Variants in EFNA5 observed in about 807,000 individuals in gnomAD.
The protein encoded by EFNA5 is ephrin-A5.
In EFNA5, 5 loss-of-function variants were observed where a neutral mutation model predicts 22.9. The ratio of observed to expected loss-of-function variants is 0.22; its 90% CI spans 0.11 to 0.46. The LOEUF (loss-of-function observed/expected upper bound fraction) is 0.46. EFNA5 is among the 20% of genes least tolerant of loss of function. EFNA5 has a pLI of 0.99. For synonymous variants in EFNA5, 113 were observed against 112.2 expected, an observed-to-expected ratio of 1.01 and a Z score of -0.04; for missense variants, 237 against 293.3, an observed-to-expected ratio of 0.81 and a Z score of 1.40.
chr5:107,452,068 T>G (rs1419873151), intron 1 of EFNA5, among the ~76,000 whole-genome samples: 1 of 152,214 alleles, frequency 6.6e-6, no homozygotes. Flanking sequence ...GATCGTGTCC[T>G]TGATAAAGCT....
intron 1 of EFNA5, among the ~76,000 whole-genome samples, chr5:107,583,607 G>A (rs1164221337): frequency 1.3e-5 from 2 of 152,108 alleles, no homozygotes; most frequent in Non-Finnish European, 2.9e-5. Flanking sequence ...GAGCATCTGC[G>A]TGGGTTACAC....
At chr5:107,645,982 G>C (rs1750626672) in intron 1 of EFNA5, among the ~76,000 whole-genome samples, 1 of 152,128 alleles carries the variant, frequency 6.6e-6, no homozygotes, top group African/African-American at 2.4e-5. Context: ...CAATGGATAA[G>C]GATCTATTTA....
chr5:107,578,930 A>G (rs1352595063), intron 1 of EFNA5, among the ~76,000 whole-genome samples: 1 of 152,172 alleles, frequency 6.6e-6, no homozygotes, highest in African/African-American at 2.4e-5. Flanking sequence ...TCCAGCCTTG[A>G]TCACATTTGT....
chr5:107,561,986 C>G (rs769862192), intron 1 of EFNA5, among the ~76,000 whole-genome samples: 1 of 152,200 alleles, frequency 6.6e-6, no homozygotes, highest in African/African-American at 2.4e-5. Flanking sequence ...GCCTCCTCCC[C>G]ACTGGGGGAT....
chr5:107,654,656 A>C (rs1750789298), intron 1 of EFNA5, among the ~76,000 whole-genome samples: 1 of 152,182 alleles, frequency 6.6e-6, no homozygotes, highest in South Asian at 2.1e-4. Context: ...CAACTGTCCA[A>C]AGTTAAAATT....
In EFNA5 at chr5:107,582,001, T is replaced by C. The variant is rs536012648; in HGVS notation, c.125+88488A>G. Among the ~76,000 whole-genome samples the C allele has an allele frequency of 6.4e-4, 98 of 152,218 alleles. No individual in the cohort carries two copies. In the Middle Eastern group the frequency reaches 0.01, roughly 16 times the overall value. On this transcript the variant is annotated intron_variant, in intron 1 of 4. Transcript: ENST00000333274. ...TATCTCTACAAAGAAAGGGAGAAAA[T>C]GAACTGCTTTGCATAGGTACCCAGA...
At chr5:107,492,471 T>G (rs184069893) in intron 1 of EFNA5, among the ~76,000 whole-genome samples, 1 of 152,316 alleles carries the variant, frequency 6.6e-6, no homozygotes, top group East Asian at 1.9e-4. Flanking sequence ...TATTTTTCCC[T>G]CTAAGGTATG....
chr5:107,497,668 G>A (rs1747021970), intron 1 of EFNA5, among the ~76,000 whole-genome samples: 1 of 152,138 alleles, frequency 6.6e-6, no homozygotes, highest in African/African-American at 2.4e-5. Context: ...GACCACCTCT[G>A]TGGGGACCAT....
chr5:107,522,623 T>C lies in EFNA5; in HGVS notation c.126-95114A>G, dbSNP rs554394759. Among the ~76,000 whole-genome samples, 6 of 152,278 alleles carry C rather than the reference T, an allele frequency of 3.9e-5. No homozygotes were observed. The East Asian group carries it at 1.2e-3, about 29-fold the overall frequency. ...ACACGATCTCACTTGAGGTCGACGT[T>C]ACCTCCAGTGATCCACTTTGGCCTC... On this transcript the variant is annotated intron_variant, in intron 1 of 4. Transcript: ENST00000333274.
chr5:107,452,461 C>T (rs868650029), intron 1 of EFNA5, among the ~76,000 whole-genome samples: 2 of 152,080 alleles, frequency 1.3e-5, no homozygotes, highest in Non-Finnish European at 2.9e-5. Flanking sequence ...CAATGGCTCA[C>T]GCCTGTAATC....
At position 107,425,757 on chromosome 5, in the gene EFNA5, T is replaced by C. The variant is rs116423601; in HGVS notation, c.418+1460A>G. Among the ~76,000 whole-genome samples the C allele has an allele frequency of 9.8e-3, 1,492 of 152,338 alleles. 18 individuals carry two copies. Among genetic ancestry groups the C allele is most frequent in the Admixed American group, 0.014 (207 of 15,302 alleles). The stretch of plus-strand genomic sequence containing the variant: ...CCAATATAAGTGACAGTTATCATTG[T>C]GATGGTGAAATCTGACTTATTATAA... On this transcript the variant is annotated intron_variant, in intron 2 of 4. Coordinates refer to ENST00000333274, the MANE Select transcript of EFNA5 (RefSeq NM_001962.3).
At chr5:107,589,266 C>A (rs998965144) in intron 1 of EFNA5, among the ~76,000 whole-genome samples, 3 of 152,164 alleles carry the variant, frequency 2.0e-5, no homozygotes, top group African/African-American at 7.2e-5. Flanking sequence ...ATTTAACTTG[C>A]TCATAAGACC....
chr5:107,538,655 T>C (rs1747976262), intron 1 of EFNA5, among the ~76,000 whole-genome samples: 1 of 152,192 alleles, frequency 6.6e-6, no homozygotes, highest in African/African-American at 2.4e-5. Flanking sequence ...GTATCTACTC[T>C]GTGGTAGGGT....
At chr5:107,647,088 T>C (rs1052316656) in intron 1 of EFNA5, among the ~76,000 whole-genome samples, 1 of 152,134 alleles carries the variant, frequency 6.6e-6, no homozygotes, top group Non-Finnish European at 1.5e-5. Context: ...GTTATCACCC[T>C]GACAATATAA....
At chr5:107,539,350 C>G (rs1176222365) in intron 1 of EFNA5, among the ~76,000 whole-genome samples, 2 of 152,202 alleles carry the variant, frequency 1.3e-5, no homozygotes, top group Non-Finnish European at 2.9e-5. Flanking sequence ...AAAATACTAG[C>G]TGTGGCATGG....
chr5:107,428,206 T>C (rs940474731), intron 1 of EFNA5, among the ~76,000 whole-genome samples: 11 of 152,352 alleles, frequency 7.2e-5, no homozygotes, highest in Non-Finnish European at 1.2e-4. Flanking sequence ...AAACTTATTT[T>C]AGTGCATCTC....
chr5:107,599,644 T>C lies in EFNA5; in HGVS notation c.125+70845A>G, dbSNP rs575349935. The stretch of plus-strand genomic sequence containing the variant: ...TCGATAGAAAACTTTTTATAACATG[T>C]AGTAATCATAAATATCACTGCAGTC... On this transcript the variant is annotated intron_variant, in intron 1 of 4. Transcript: ENST00000333274. 2.6e-5 allele frequency among the ~76,000 whole-genome samples: 4 copies of C among 152,334 alleles called. No homozygotes were observed. In the East Asian group the frequency reaches 7.7e-4, roughly 29 times the overall value.
At chr5:107,507,507 A>G (rs1747275962) in intron 1 of EFNA5, among the ~76,000 whole-genome samples, 1 of 152,182 alleles carries the variant, frequency 6.6e-6, no homozygotes, top group African/African-American at 2.4e-5. Flanking sequence ...GAACCTAGCC[A>G]GGGAATGCAG....
chr5:107,618,790 C>A (rs911504683), intron 1 of EFNA5, among the ~76,000 whole-genome samples: 1 of 152,152 alleles, frequency 6.6e-6, no homozygotes, highest in African/African-American at 2.4e-5. Flanking sequence ...GGGAAAGTGT[C>A]CACTAAGATT....
Sources: gnomAD v4.1 joint callset for allele counts (sites outside exome capture counted in the v4.1 genomes callset) on GRCh38, gnomAD v4.1.1 for gene constraint, MANE v1.5 for transcripts, NCBI Gene and HGNC (gene_info 2026-07-23, HGNC 2026-07-21) for gene names.